Variants in BCAR3 observed in about 807,000 individuals in gnomAD.
The protein encoded by BCAR3 is breast cancer anti-estrogen resistance protein 3.
A neutral mutation model predicts 80.1 loss-of-function variants in BCAR3; 37 were observed. The ratio of observed to expected loss-of-function variants is 0.46; its 90% CI spans 0.36 to 0.61. BCAR3 has a LOEUF of 0.61. BCAR3 is among the 20% of genes least tolerant of loss of function. The pLI, the probability that BCAR3 is intolerant of heterozygous loss-of-function variation, is 0.00. For synonymous variants in BCAR3, 389 were observed against 418.9 expected (o/e 0.93, Z 0.87); for missense variants, 978 against 1,068.2 (o/e 0.92, Z 1.18).
intron 2 of BCAR3, among the ~76,000 whole-genome samples, chr1:93,801,222 G>C (rs923339896): frequency 3.9e-5 from 6 of 152,226 alleles, no homozygotes; most frequent in Admixed American, 6.5e-5. Context: ...TGAAAGCAAG[G>C]CCTCTGTTTA....
intron 3 of BCAR3, among the ~76,000 whole-genome samples, chr1:93,625,899 C>T (rs1002792697): frequency 1.3e-5 from 2 of 152,144 alleles, no homozygotes; most frequent in African/African-American, 4.8e-5. Flanking sequence ...CCAGCCTGTC[C>T]CAAGTAAATG....
At chr1:93,760,973 T>C (rs561770985) in intron 2 of BCAR3, among the ~76,000 whole-genome samples, 1 of 152,166 alleles carries the variant, frequency 6.6e-6, no homozygotes, top group African/African-American at 2.4e-5. Context: ...CAGTGGGAAC[T>C]AAAAGGAAAT....
intron 3 of BCAR3, among the ~76,000 whole-genome samples, chr1:93,610,568 C>G (rs1300665060): frequency 1.3e-5 from 2 of 152,214 alleles, no homozygotes; most frequent in Non-Finnish European, 2.9e-5. Flanking sequence ...ACTGTTCTCT[C>G]CCAACTGAAC....
At chr1:93,721,006 T>A (rs1205125677) in intron 2 of BCAR3, among the ~76,000 whole-genome samples, 1 of 152,128 alleles carries the variant, frequency 6.6e-6, no homozygotes, top group Non-Finnish European at 1.5e-5. Flanking sequence ...GCTCCGCAGG[T>A]GCTTCTGGCT....
intron 3 of BCAR3, among the ~76,000 whole-genome samples, chr1:93,632,315 T>C (rs958087260): frequency 6.6e-5 from 10 of 152,236 alleles, no homozygotes; most frequent in African/African-American, 1.9e-4. Flanking sequence ...TTTGAGGCCA[T>C]AGTGTCACAA....
At chr1:93,829,593 G>A (rs1245819932) in intron 2 of BCAR3, among the ~76,000 whole-genome samples, 3 of 151,394 alleles carry the variant, frequency 2.0e-5, no homozygotes, top group Non-Finnish European at 2.9e-5. Flanking sequence ...AATAACTCCT[G>A]TATTACCTTG....
In BCAR3 at chr1:93,786,065, C is replaced by T. The variant is rs919894637; in HGVS notation, c.-63+59502G>A. 2.8e-5 allele frequency among the ~76,000 whole-genome samples: 4 copies of T among 141,082 alleles called. 1 individual carries two copies. The highest frequency in any genetic ancestry group is 1.4e-4 in the Admixed American group (2 of 14,064). 92.6% of individuals were successfully genotyped at this position (141,082 alleles called of 152,430 possible). ...AAAATTAGCCGGGCGTGGTGGCGGG[C>T]GCCTGTAGTCCCAGCTACTCGGGAG... On this transcript the variant is annotated intron_variant, in intron 2 of 13. Transcript: ENST00000370244.
At chr1:93,566,842 C>T (rs1240304914) in intron 11 of BCAR3, among the ~76,000 whole-genome samples, 1 of 152,194 alleles carries the variant, frequency 6.6e-6, no homozygotes, top group Non-Finnish European at 1.5e-5. Flanking sequence ...ATTCTCCTGC[C>T]TCAGCCTCCT....
chr1:93,724,266 T>C (rs140929909), intron 2 of BCAR3, among the ~76,000 whole-genome samples: 1 of 152,136 alleles, frequency 6.6e-6, no homozygotes, highest in East Asian at 1.9e-4. Flanking sequence ...GTGGGGACAT[T>C]GGTAAAGAAA....
intron 2 of BCAR3, chr1:93,845,516 A>C (rs1339224767): frequency 1.1e-5 from 1 of 88,252 alleles, no homozygotes; most frequent in Non-Finnish European, 2.2e-5. Context: ...CTTTGTTTAC[A>C]TTAGAGTATA....
At position 93,674,869 on chromosome 1, in the gene BCAR3, AG is replaced by A; in HGVS notation, c.61del (p.Leu21TrpfsTer8). 3 of 1,585,580 alleles carry A rather than the reference AG, an allele frequency of 1.9e-6. No individual in the cohort carries two copies. Among genetic ancestry groups the A allele is most frequent in the Admixed American group, 1.9e-5 (1 of 51,688 alleles). Reference protein sequence around the residue: ...RNMPVNHQFPLASSMDLLSSR... With the variant: ...RNMPVNHQFPXASSMDLLSSR... ...GCTCAGAAGGTCCATGGATGAGGCC[AG>A]GGGGAACTGGTGATTCACCGGCATG... On this transcript the variant is annotated frameshift_variant, in exon 2 of 12. Transcript: ENST00000260502. LOFTEE classifies it high-confidence loss of function.
chr1:93,762,105 T>G (rs1651964956), intron 2 of BCAR3, among the ~76,000 whole-genome samples: 1 of 152,222 alleles, frequency 6.6e-6, no homozygotes, highest in Non-Finnish European at 1.5e-5. Flanking sequence ...AAGTACCTCA[T>G]GAAAATAGCT....
chr1:93,845,501 T>TGTTGTCAAG (rs1187622336), intron 2 of BCAR3: 2 of 96,306 alleles, frequency 2.1e-5, no homozygotes, highest in Non-Finnish European at 2.1e-5. Flanking sequence ...TATATATATA[T>TGTTGTCAAG]AAAACTTTGT....
intron 2 of BCAR3, among the ~76,000 whole-genome samples, chr1:93,768,112 G>C (rs1477424739): frequency 6.6e-6 from 1 of 152,228 alleles, no homozygotes; most frequent in Non-Finnish European, 1.5e-5. Flanking sequence ...TACATGGCAA[G>C]CAAGTGGCTA....
At chr1:93,809,889 T>C (rs1403938044) in intron 2 of BCAR3, among the ~76,000 whole-genome samples, 3 of 151,758 alleles carry the variant, frequency 2.0e-5, no homozygotes, top group Non-Finnish European at 2.9e-5. Context: ...CCTGGTGGCA[T>C]GCAGTTAGAA....
intron 8 of BCAR3, among the ~76,000 whole-genome samples, chr1:93,575,045 G>A (rs760897495): frequency 2.6e-4 from 40 of 152,110 alleles, no homozygotes; most frequent in Non-Finnish European, 8.8e-5. Flanking sequence ...TCCATCCCCC[G>A]AGAAGTGGCT....
upstream of BCAR3, among the ~76,000 whole-genome samples, chr1:93,685,233 G>A (rs1218487604): frequency 6.6e-6 from 1 of 152,130 alleles, no homozygotes; most frequent in South Asian, 2.1e-4. Context: ...ATATAATAAG[G>A]TATCCTGTGA....
intron 2 of BCAR3, among the ~76,000 whole-genome samples, chr1:93,841,886 C>T (rs1187235192): frequency 6.6e-6 from 1 of 152,188 alleles, no homozygotes; most frequent in Non-Finnish European, 1.5e-5. Context: ...CACTGAACTG[C>T]TCAGCCTCCA....
chr1:93,748,505 G>A (rs1651434354), intron 2 of BCAR3, among the ~76,000 whole-genome samples: 1 of 152,020 alleles, frequency 6.6e-6, no homozygotes, highest in Admixed American at 6.6e-5. Flanking sequence ...GATTATTAAT[G>A]CCATTCCAGA....
Sources: gnomAD v4.1 joint callset for allele counts (sites outside exome capture counted in the v4.1 genomes callset) on GRCh38, gnomAD v4.1.1 for gene constraint, MANE v1.5 for transcripts, NCBI Gene and HGNC (gene_info 2026-07-23, HGNC 2026-07-21) for gene names.